The following WDFY2 variants were observed in gnomAD, a reference collection of about 807,000 sequenced individuals.
The protein encoded by WDFY2 is WD repeat and FYVE domain-containing protein 2.
WDFY2 carries 36 observed loss-of-function variants against 56.4 expected under a neutral mutation model. The ratio of observed to expected loss-of-function variants is 0.64; its 90% CI spans 0.49 to 0.84. WDFY2 has a LOEUF of 0.84. WDFY2 is among the 40% of genes least tolerant of loss of function. The pLI is 0.00. For missense variants in WDFY2, 444 were observed against 512.2 expected (o/e 0.87, Z 1.29); for synonymous variants, 176 against 183.7 (o/e 0.96, Z 0.34).
chr13:51,647,100 G>A (rs771107757), intron 1 of WDFY2, among the ~76,000 whole-genome samples: 15 of 152,196 alleles, frequency 9.9e-5, no homozygotes, highest in Non-Finnish European at 1.3e-4. Flanking sequence ...GAGGATGTAT[G>A]TAGGTCATAT....
intron 3 of WDFY2, among the ~76,000 whole-genome samples, chr13:51,679,950 A>T (rs1955950177): frequency 6.6e-6 from 1 of 151,998 alleles, no homozygotes; most frequent in Non-Finnish European, 1.5e-5. Context: ...CAAAACATGG[A>T]GTCTCGCTCT....
rs1700544935 is a variant in WDFY2, at chr13:51,764,448, A to G, written c.*4679A>G. On this transcript the variant is annotated 3_prime_UTR_variant, in exon 12 of 12. Transcript: ENST00000298125. Reference sequence around the variant, plus strand: ...TGACTTTCCAGGCTTCAGAAACAGCATAAACAAACAAAGGCCTGAGAGCTG... The same window carrying G: ...TGACTTTCCAGGCTTCAGAAACAGCGTAAACAAACAAAGGCCTGAGAGCTG... 1 of 153,094 alleles carries G rather than the reference A, an allele frequency of 6.5e-6. No homozygotes were observed. The highest frequency in any genetic ancestry group is 1.5e-5 in the Non-Finnish European group (1 of 68,188). The allele number at this position is 153,094 out of a possible 1,614,324, so 9.5% of individuals were successfully genotyped here.
chr13:51,763,912 A>G lies in WDFY2; in HGVS notation c.*4143A>G, dbSNP rs1286686670. On this transcript the variant is annotated 3_prime_UTR_variant, in exon 12 of 12. Coordinates refer to ENST00000298125, the MANE Select transcript of WDFY2 (RefSeq NM_052950.4). ...TGTGGGTTGCAGTTACTGGACATAA[A>G]TATTCACTAAATGAGATTCCTTTGG... The G allele has an allele frequency of 6.6e-6, 1 of 152,244 alleles. No individual in the cohort carries two copies. The highest frequency in any genetic ancestry group is 1.5e-5 in the Non-Finnish European group (1 of 68,046). The allele number at this position is 152,244 out of a possible 1,614,324, so 9.4% of individuals were successfully genotyped here.
At chr13:51,647,338 T>A (rs1955280886) in intron 1 of WDFY2, among the ~76,000 whole-genome samples, 1 of 152,248 alleles carries the variant, frequency 6.6e-6, no homozygotes, top group Non-Finnish European at 1.5e-5. Context: ...ATATAGCCTG[T>A]CATTCCTAGG....
At chr13:51,694,648 C>G (rs1037351013) in intron 3 of WDFY2, among the ~76,000 whole-genome samples, 5 of 152,114 alleles carry the variant, frequency 3.3e-5, no homozygotes, top group Admixed American at 2.0e-4. Context: ...GTGAATGTGA[C>G]AATTATGTGT....
chr13:51,674,716 T>G (rs927676922), intron 2 of WDFY2, among the ~76,000 whole-genome samples: 1 of 152,162 alleles, frequency 6.6e-6, no homozygotes, highest in Non-Finnish European at 1.5e-5. Flanking sequence ...TAGACTCCTG[T>G]GTGTATGTGT....
In WDFY2 at chr13:51,667,879, C is replaced by CTTTTTTTTTTTTTTTT. The variant is rs66771214; in HGVS notation, c.205+7231_205+7246dup. Among the ~76,000 whole-genome samples, 46 of 50,046 alleles carry CTTTTTTTTTTTTTTTT rather than the reference C, an allele frequency of 9.2e-4. 6 individuals are homozygous for CTTTTTTTTTTTTTTTT. The highest frequency in any genetic ancestry group is 2.8e-3 in the Admixed American group (8 of 2,860). 32.8% of individuals were successfully genotyped at this position (50,046 alleles called of 152,430 possible). ...GAAGAAAAAGGTACCTGAGGAACTT[C>CTTTTTTTTTTTTTTTT]TTTTTTTTTTTTTTTTTTTTTTTTT... On this transcript the variant is annotated intron_variant, in intron 2 of 11. Transcript: ENST00000298125.
rs2138654999 is a variant in WDFY2, at chr13:51,727,737, T to G, written c.545T>G (p.Leu182Arg). 1 of 1,614,172 alleles carries G rather than the reference T, an allele frequency of 6.2e-7. No individual in the cohort carries two copies. Among genetic ancestry groups the G allele is most frequent in the Non-Finnish European group, 8.5e-7 (1 of 1,180,034 alleles). ...IGDHSGQVTI[L>R]KLEQENCTLV... The stretch of plus-strand genomic sequence containing the variant: ...GACCACTCAGGCCAAGTAACAATCC[T>G]CAAACTGGAGCAAGAAAACTGCACC... The change falls in exon 6 of 12, where the codon CTC becomes CGC. Residue 182 changes from leucine (L) to arginine (R), a missense_variant. Coordinates refer to ENST00000298125, the MANE Select transcript of WDFY2 (RefSeq NM_052950.4).
intron 7 of WDFY2, among the ~76,000 whole-genome samples, chr13:51,749,704 A>T (rs559458104): frequency 5.1e-4 from 78 of 152,234 alleles, no homozygotes; most frequent in Non-Finnish European, 5.4e-4. Flanking sequence ...ACATATATAA[A>T]CTTAATATTA....
At chr13:51,692,968 T>C (rs1284029038) in intron 3 of WDFY2, among the ~76,000 whole-genome samples, 3 of 152,252 alleles carry the variant, frequency 2.0e-5, no homozygotes, top group African/African-American at 7.2e-5. Context: ...CTAGATTTTC[T>C]AGTTTATTTG....
At chr13:51,709,495 T>C (rs1952161323) in intron 4 of WDFY2, among the ~76,000 whole-genome samples, 1 of 151,786 alleles carries the variant, frequency 6.6e-6, no homozygotes, top group African/African-American at 2.4e-5. Context: ...AATTGAAAAA[T>C]TGATCTTTTT....
At position 51,763,368 on chromosome 13, in the gene WDFY2, T is replaced by C. The variant is rs1216753168; in HGVS notation, c.*3599T>C. The C allele has an allele frequency of 6.6e-6, 1 of 152,140 alleles. No individual in the cohort carries two copies. The highest frequency in any genetic ancestry group is 1.5e-5 in the Non-Finnish European group (1 of 68,028). The allele number at this position is 152,140 out of a possible 1,614,324, so 9.4% of individuals were successfully genotyped here. A position where few individuals can be genotyped will look rare whatever the true frequency, so the allele number is the denominator to read the frequency against. ...ATAAATTCCTTCCTATACATTCCCC[T>C]CAGACCACCCCAGAGGCAAAACTGA... On this transcript the variant is annotated 3_prime_UTR_variant, in exon 12 of 12. Transcript: ENST00000298125.
At chr13:51,752,556 G>A (rs1418993826) in intron 8 of WDFY2, among the ~76,000 whole-genome samples, 1 of 152,172 alleles carries the variant, frequency 6.6e-6, no homozygotes, top group Non-Finnish European at 1.5e-5. Context: ...AACCAGGGGA[G>A]GGGAGAAGGA....
intron 5 of WDFY2, among the ~76,000 whole-genome samples, chr13:51,724,708 T>C (rs576279565): frequency 1.3e-5 from 2 of 152,200 alleles, no homozygotes; most frequent in African/African-American, 2.4e-5. Flanking sequence ...TGAACCTACA[T>C]TGGCACGTCA....
At chr13:51,690,640 A>G (rs1956136959) in intron 3 of WDFY2, among the ~76,000 whole-genome samples, 1 of 152,010 alleles carries the variant, frequency 6.6e-6, no homozygotes, top group Non-Finnish European at 1.5e-5. Context: ...GTCGTGAATA[A>G]TGCCGCAATA....
At chr13:51,645,448 G>C (rs1955246414) in intron 1 of WDFY2, among the ~76,000 whole-genome samples, 1 of 152,126 alleles carries the variant, frequency 6.6e-6, no homozygotes, top group African/African-American at 2.4e-5. Flanking sequence ...TTAAAAGCCT[G>C]ATTTCAACAT....
At chr13:51,728,441 A>G (rs1176391947) in intron 6 of WDFY2, among the ~76,000 whole-genome samples, 2 of 152,236 alleles carry the variant, frequency 1.3e-5, no homozygotes, top group Non-Finnish European at 2.9e-5. Flanking sequence ...TTTAACGTGT[A>G]CTATTGACTC....
intron 1 of WDFY2, among the ~76,000 whole-genome samples, chr13:51,615,729 A>T (rs1332542407): frequency 4.6e-5 from 7 of 152,248 alleles, no homozygotes; most frequent in Non-Finnish European, 1.0e-4. Flanking sequence ...GACTTTGCAA[A>T]GTAATATGTA....
At chr13:51,595,040 G>T (rs1194660035) in intron 1 of WDFY2, among the ~76,000 whole-genome samples, 1 of 152,102 alleles carries the variant, frequency 6.6e-6, no homozygotes, top group African/African-American at 2.4e-5. Context: ...AGAAGGGCGA[G>T]GTTAACTCTG....
Sources: allele counts gnomAD v4.1 joint callset (sites outside exome capture counted in the v4.1 genomes callset), GRCh38; gene constraint gnomAD v4.1.1; transcripts MANE v1.5; gene names NCBI Gene and HGNC (gene_info 2026-07-23, HGNC 2026-07-21).